NOP9: variants seen among roughly 807,000 people sequenced by gnomAD.
NOP9 encodes nucleolar protein 9.
In NOP9, 50 loss-of-function variants were observed where a neutral mutation model predicts 63.0. The observed-to-expected ratio is 0.79, with a 90% confidence interval of 0.63 to 1.00. The LOEUF (loss-of-function observed/expected upper bound fraction) is 1.00. Among genes scored for constraint, NOP9 ranks in the 50% least tolerant of loss-of-function variants. NOP9 has a pLI of 0.00. For synonymous variants in NOP9, 343 were observed against 332.8 expected, an observed-to-expected ratio of 1.03 and a Z score of -0.33; for missense variants, 758 against 803.0, an observed-to-expected ratio of 0.94 and a Z score of 0.68.
chr14:24,280,513 C>T, the NOP9 span, among the ~76,000 whole-genome samples: 1 of 152,206 alleles, frequency 6.6e-6, no homozygotes, highest in African/African-American at 2.4e-5. Context: ...ACTCATTTGA[C>T]TGCATTTCCT....
chr14:24,297,401 C>T (rs760536264), upstream of NOP9, among the ~76,000 whole-genome samples: 3 of 152,188 alleles, frequency 2.0e-5, no homozygotes, highest in Non-Finnish European at 2.9e-5. Flanking sequence ...CTGTCTCACT[C>T]TCTACAAATG....
In NOP9 at chr14:24,300,400, C is replaced by T. The variant is rs746198829; in HGVS notation, c.248-8C>T. 2.5e-6 allele frequency: 4 copies of T among 1,606,888 alleles called. No individual in the cohort carries two copies. The Admixed American group carries it at 5.1e-5, about 20-fold the overall frequency. On this transcript the variant is annotated splice_region_variant and splice_polypyrimidine_tract_variant and intron_variant, in intron 1 of 9. Coordinates refer to ENST00000267425, the MANE Select transcript of NOP9 (RefSeq NM_174913.3). ...TCTCTTCAAAGTGTGTCTTTCTTCC[C>T]TTTTCAGATCTGATGGTGCACAATA...
intron 9 of NOP9, 115 bp from the exon 10 acceptor site, chr14:24,304,823 G>A: frequency 2.5e-6 from 3 of 1,215,014 alleles, no homozygotes; most frequent in Non-Finnish European, 3.4e-6. Flanking sequence ...AAAGTGAAGT[G>A]TTCACTTTAT....
the NOP9 span, chr14:24,291,004 A>G: frequency 6.2e-7 from 1 of 1,614,112 alleles, no homozygotes; most frequent in Middle Eastern, 1.6e-4. Context: ...GCCTGGGAAC[A>G]ACAGGAGGAG....
the NOP9 span, chr14:24,292,010 G>T: frequency 1.2e-6 from 1 of 835,540 alleles, no homozygotes; most frequent in Non-Finnish European, 1.9e-6. Flanking sequence ...TTTGCCATCT[G>T]TAGAATGGAG....
chr14:24,306,043 C>T lies in NOP9; in HGVS notation c.*948C>T, dbSNP rs146036691. On this transcript the variant is annotated 3_prime_UTR_variant, in exon 10 of 10. Transcript: ENST00000267425. The stretch of plus-strand genomic sequence containing the variant: ...GACATTCAGGCTGCCAAAGAGGTCT[C>T]GAGGGTTTTGCTTGTACACGTCAAA... The T allele has an allele frequency of 5.0e-6, 8 of 1,614,146 alleles. No homozygotes were observed. Among genetic ancestry groups the T allele is most frequent in the East Asian group, 4.5e-5 (2 of 44,882 alleles).
In NOP9 at chr14:24,306,560, T is replaced by G; in HGVS notation, c.*1465T>G. ...CAAGAAGCAAGAAGGGCAGGTCTTA[T>G]CCCATGCCCCTTCCCTCTTTAGCTG... On this transcript the variant is annotated 3_prime_UTR_variant, in exon 10 of 10. Coordinates refer to ENST00000267425, the MANE Select transcript of NOP9 (RefSeq NM_174913.3). 5 of 1,613,264 alleles carry G rather than the reference T, an allele frequency of 3.1e-6. No individual in the cohort carries two copies. The highest frequency in any genetic ancestry group is 4.2e-6 in the Non-Finnish European group (5 of 1,179,226).
chr14:24,286,103 G>A, the NOP9 span, among the ~76,000 whole-genome samples: 3 of 152,224 alleles, frequency 2.0e-5, no homozygotes, highest in African/African-American at 7.2e-5. Context: ...CAGTTGGGGC[G>A]GGGCTGCATC....
the NOP9 span, among the ~76,000 whole-genome samples, chr14:24,281,232 G>A: frequency 1.3e-5 from 2 of 152,216 alleles, no homozygotes; most frequent in Non-Finnish European, 2.9e-5. Flanking sequence ...TGTGGTGTGT[G>A]GGGCCGAGGC....
the NOP9 span, among the ~76,000 whole-genome samples, chr14:24,289,935 T>C: frequency 1.3e-5 from 2 of 152,232 alleles, no homozygotes; most frequent in African/African-American, 4.8e-5. Flanking sequence ...GCTCTCACTC[T>C]GAAGATTTTG....
Position 24,303,192 on chromosome 14 carries a change from A to C in NOP9, c.1262A>C (p.Lys421Thr). 1.9e-6 allele frequency: 3 copies of C among 1,614,116 alleles called. No homozygotes were observed. The highest frequency in any genetic ancestry group is 2.5e-6 in the Non-Finnish European group (3 of 1,180,020). Residue 421 changes from lysine (K) to threonine (T), a missense_variant, in exon 6 of 10, where the codon AAG becomes ACG. Physicochemically the swap from Lys to Thr is moderately conservative, Grantham distance 78. Coordinates refer to ENST00000267425, the MANE Select transcript of NOP9 (RefSeq NM_174913.3). ...CGCAGAGTTGGGGCCTACCAAGCCAAGGTCCTACAGCTCTTGTTGGAGGTG... is the reference window on the plus strand; with the variant it reads ...CGCAGAGTTGGGGCCTACCAAGCCACGGTCCTACAGCTCTTGTTGGAGGTG... ...ACRRVGAYQA[K>T]VLQLLLEAFH...
At chr14:24,292,922 G>T in the NOP9 span, 1 of 1,088,232 alleles carries the variant, frequency 9.2e-7, no homozygotes, top group Non-Finnish European at 1.2e-6. Context: ...GCGACCTGAG[G>T]AATTAGGGGC....
At chr14:24,304,465 G>GAGACCT in intron 8 of NOP9, 28 bp from the exon 9 acceptor site, 1 of 1,568,412 alleles carries the variant, frequency 6.4e-7, no homozygotes, top group Non-Finnish European at 8.7e-7. Flanking sequence ...TTTTGCTAGG[G>GAGACCT]AGACCTACTT....
In NOP9 at chr14:24,306,547, A is replaced by G. The variant is rs1244069028; in HGVS notation, c.*1452A>G. The G allele has an allele frequency of 4.3e-6, 7 of 1,614,238 alleles. No homozygotes were observed. Among genetic ancestry groups the G allele is most frequent in the Non-Finnish European group, 5.9e-6 (7 of 1,180,030 alleles). ...GCCTGCCCAATGGCAAGAAGCAAGA[A>G]GGGCAGGTCTTATCCCATGCCCCTT... On this transcript the variant is annotated 3_prime_UTR_variant, in exon 10 of 10. Transcript: ENST00000267425.
At chr14:24,298,861 A>G, upstream of NOP9, 1 of 1,337,364 alleles carries the variant, frequency 7.5e-7, no homozygotes, top group South Asian at 1.5e-5. Flanking sequence ...GTTGAGTAGT[A>G]TTATAGTTTC....
chr14:24,272,653 T>C, the NOP9 span, among the ~76,000 whole-genome samples: 28 of 152,356 alleles, frequency 1.8e-4, 1 homozygote, highest in South Asian at 5.8e-3. Context: ...TGGCTCCTTT[T>C]CAGGATAGAA....
upstream of NOP9, chr14:24,296,408 G>A: frequency 8.8e-7 from 1 of 1,133,598 alleles, no homozygotes; most frequent in Non-Finnish European, 1.3e-6. Flanking sequence ...AAAGAGATGG[G>A]GGAGGCCGGA....
rs1180835331 is a variant in NOP9 at position 24,303,833 on chromosome 14, G to C, written c.1386G>C (p.Glu462Asp). 1 of 1,614,124 alleles carries C rather than the reference G, an allele frequency of 6.2e-7. No homozygotes were observed. Among genetic ancestry groups the C allele is most frequent in the South Asian group, 1.1e-5 (1 of 91,064 alleles). Residue 462 changes from glutamate (E) to aspartate (D), a missense_variant, in exon 7 of 10, where the codon GAG becomes GAC. Glu to Asp is a conservative substitution (Grantham distance 45, BLOSUM62 2). Transcript: ENST00000267425. Reference protein sequence around the residue: ...YEVYYGLTEEEGAVPAEHQVA... With the variant: ...YEVYYGLTEEDGAVPAEHQVA... ...TGTACTATGGACTGACGGAGGAGGA[G>C]GGGGCAGTGCCTGCAGAGCACCAGG...
At chr14:24,295,045 A>AT, upstream of NOP9, among the ~76,000 whole-genome samples, 1 of 152,026 alleles carries the variant, frequency 6.6e-6, no homozygotes, top group South Asian at 2.1e-4. Flanking sequence ...CTTTTTTTCT[A>AT]TTTTTCCCAC....
Sources: gnomAD v4.1 joint callset for allele counts (sites outside exome capture counted in the v4.1 genomes callset) on GRCh38, gnomAD v4.1.1 for gene constraint, MANE v1.5 for transcripts, NCBI Gene and HGNC (gene_info 2026-07-23, HGNC 2026-07-21) for gene names.